The following NEDD4 variants were observed in gnomAD, a reference collection of about 807,000 sequenced individuals.
NEDD4 encodes E3 ubiquitin-protein ligase NEDD4.
In NEDD4, 99 loss-of-function variants were observed where a neutral mutation model predicts 144.9. The ratio of observed to expected loss-of-function variants is 0.68; its 90% CI spans 0.58 to 0.81. The LOEUF is 0.81. Among genes scored for constraint, NEDD4 ranks in the 30% least tolerant of loss-of-function variants. NEDD4 has a pLI of 0.00. For missense variants in NEDD4, 985 were observed against 1,065.9 expected (o/e 0.92, Z 1.06); for synonymous variants, 318 against 350.6 (o/e 0.91, Z 1.04).
intron 4 of NEDD4, among the ~76,000 whole-genome samples, chr15:55,949,860 T>G (rs1283783012): frequency 1.3e-5 from 2 of 151,854 alleles, no homozygotes; most frequent in East Asian, 3.9e-4. Flanking sequence ...AAATGACAAG[T>G]TAATGGGTGC....
intron 24 of NEDD4, among the ~76,000 whole-genome samples, chr15:55,834,585 A>G (rs1365329226): frequency 6.6e-6 from 1 of 152,150 alleles, no homozygotes; most frequent in Non-Finnish European, 1.5e-5. Flanking sequence ...GAGCCAAGGA[A>G]TTTGAGACTA....
At chr15:55,894,522 G>A (rs2035677478) in intron 5 of NEDD4, among the ~76,000 whole-genome samples, 1 of 151,988 alleles carries the variant, frequency 6.6e-6, no homozygotes, top group Non-Finnish European at 1.5e-5. Flanking sequence ...GAAATTCTAC[G>A]GCCCTTAGAA....
At chr15:55,926,367 T>C (rs1247856184) in intron 4 of NEDD4, among the ~76,000 whole-genome samples, 2 of 152,178 alleles carry the variant, frequency 1.3e-5, no homozygotes, top group Non-Finnish European at 2.9e-5. Flanking sequence ...ATCTTTCCTG[T>C]CTGAAATGTT....
At position 55,848,531 on chromosome 15, in the gene NEDD4, G is replaced by A. The variant is rs886094431; in HGVS notation, c.1473C>T (p.Tyr491=). ...ERTHTDGRIF[Y]INHNIKRTQW... is the part of the protein sequence containing the mutation. ...TCGCACTGCACATACTGTGATTTAT[G>A]TAGAAGATTCTTCCATCTGTGTGAG... The change falls in exon 16 of 29, where the codon TAC becomes TAT. Residue 491 remains tyrosine (Y), a synonymous_variant. Coordinates refer to ENST00000435532, the MANE Select transcript of NEDD4 (RefSeq NM_006154.4). 17 of 1,613,506 alleles carry A rather than the reference G, an allele frequency of 1.1e-5. No individual in the cohort carries two copies. Among genetic ancestry groups the A allele is most frequent in the Non-Finnish European group, 1.4e-5 (17 of 1,179,590 alleles).
intron 2 of NEDD4, among the ~76,000 whole-genome samples, chr15:55,957,976 G>C (rs1175074889): frequency 2.6e-5 from 4 of 152,140 alleles, no homozygotes; most frequent in African/African-American, 4.8e-5. Context: ...TCGTGGAGTG[G>C]GGGAAGGGGT....
intron 5 of NEDD4, among the ~76,000 whole-genome samples, chr15:55,880,637 A>G (rs979401333): frequency 1.3e-5 from 2 of 152,146 alleles, no homozygotes; most frequent in Admixed American, 1.3e-4. Context: ...GTGATATGGA[A>G]GATGCAGGGG....
intron 7 of NEDD4, among the ~76,000 whole-genome samples, chr15:55,870,716 G>C (rs189147216): frequency 1.1e-4 from 16 of 151,590 alleles, no homozygotes; most frequent in African/African-American, 3.9e-4. Flanking sequence ...GTATTTTTTT[G>C]TAGAGACAGG....
intron 5 of NEDD4, among the ~76,000 whole-genome samples, chr15:55,893,210 G>A (rs4774229): frequency 0.76 from 115,373 of 151,922 alleles, 43,921 homozygotes; most frequent in Admixed American, 0.82. Flanking sequence ...ATTTGTATTA[G>A]TATCTTAATC....
chr15:55,921,986 A>G (rs867205386), intron 5 of NEDD4, among the ~76,000 whole-genome samples: 4 of 152,246 alleles, frequency 2.6e-5, no homozygotes, highest in African/African-American at 7.2e-5. Flanking sequence ...ATAGTTCACC[A>G]ATAATACACT....
intron 11 of NEDD4, among the ~76,000 whole-genome samples, chr15:55,858,957 G>A (rs1453231734): frequency 2.0e-5 from 3 of 152,128 alleles, no homozygotes; most frequent in African/African-American, 7.2e-5. Context: ...TTCATAACAG[G>A]CAGCTGCTGA....
At chr15:55,854,752 T>A (rs1370357555) in intron 12 of NEDD4, among the ~76,000 whole-genome samples, 3 of 152,058 alleles carry the variant, frequency 2.0e-5, no homozygotes, top group African/African-American at 7.2e-5. Context: ...TTATGGTATG[T>A]AAATTATACT....
chr15:55,951,289 A>C (rs1336810845), intron 4 of NEDD4, 87 bp downstream of exon 4: 4 of 612,028 alleles, frequency 6.5e-6, no homozygotes, highest in Non-Finnish European at 1.1e-5. Flanking sequence ...ATACATCTTC[A>C]AATATTAAAA....
intron 5 of NEDD4, among the ~76,000 whole-genome samples, chr15:55,919,151 T>C (rs1376510926): frequency 3.9e-5 from 6 of 152,188 alleles, no homozygotes; most frequent in East Asian, 1.9e-4. Context: ...GCATGGGCCA[T>C]AACTACACAT....
At chr15:55,897,028 C>T (rs544478251) in intron 5 of NEDD4, among the ~76,000 whole-genome samples, 1 of 152,222 alleles carries the variant, frequency 6.6e-6, no homozygotes, top group African/African-American at 2.4e-5. Flanking sequence ...GACCGGAGTG[C>T]AGTGGCACAA....
In NEDD4 at chr15:55,829,706, A is replaced by G; in HGVS notation, c.*191T>C. 1.9e-6 allele frequency: 1 copy of G among 521,626 alleles called. No homozygotes were observed. The highest frequency in any genetic ancestry group is 3.4e-6 in the Non-Finnish European group (1 of 293,826). The allele number at this position is 521,626 out of a possible 1,614,324, so 32.3% of individuals were successfully genotyped here. On this transcript the variant is annotated 3_prime_UTR_variant, in exon 29 of 29. Transcript: ENST00000435532. Reference sequence around the variant, plus strand: ...AAGACAGCATGAAACAACTGTGTAAATGCAACACATTATTTAAAAGTGATT... The same window carrying G: ...AAGACAGCATGAAACAACTGTGTAAGTGCAACACATTATTTAAAAGTGATT...
At chr15:55,901,664 T>C (rs2035918639) in intron 5 of NEDD4, among the ~76,000 whole-genome samples, 1 of 152,322 alleles carries the variant, frequency 6.6e-6, no homozygotes, top group South Asian at 2.1e-4. Context: ...TTTTAATGTG[T>C]TCTTTTCATG....
At chr15:55,939,542 G>A (rs2036957965) in intron 4 of NEDD4, among the ~76,000 whole-genome samples, 1 of 151,746 alleles carries the variant, frequency 6.6e-6, no homozygotes, top group African/African-American at 2.4e-5. Flanking sequence ...ATGAACCAAG[G>A]ACTTCAACAG....
intron 5 of NEDD4, among the ~76,000 whole-genome samples, chr15:55,912,374 C>A (rs984159102): frequency 2.6e-5 from 4 of 152,030 alleles, no homozygotes; most frequent in Admixed American, 6.5e-5. Flanking sequence ...AAGTTTATTA[C>A]AGTTCTACTA....
intron 5 of NEDD4, among the ~76,000 whole-genome samples, chr15:55,922,748 G>C (rs2036592123): frequency 6.6e-6 from 1 of 152,162 alleles, no homozygotes; most frequent in Non-Finnish European, 1.5e-5. Flanking sequence ...TGAGGACAGT[G>C]GCTAGTACTT....
Sources: gnomAD v4.1 joint callset for allele counts (sites outside exome capture counted in the v4.1 genomes callset) on GRCh38, gnomAD v4.1.1 for gene constraint, MANE v1.5 for transcripts, NCBI Gene and HGNC (gene_info 2026-07-23, HGNC 2026-07-21) for gene names.